Variants in NEUROD4 observed in about 807,000 individuals in gnomAD.
The protein encoded by NEUROD4 is neurogenic differentiation factor 4.
NEUROD4 carries 16 observed loss-of-function variants against 19.8 expected under a neutral mutation model. The ratio of observed to expected loss-of-function variants is 0.81; its 90% confidence interval spans 0.55 to 1.23. The LOEUF (loss-of-function observed/expected upper bound fraction) is 1.23, where lower values mean the gene tolerates loss of function less well. NEUROD4 is among the 50% of genes most tolerant of loss of function. NEUROD4 has a pLI of 0.00. For missense variants in NEUROD4, 439 were observed against 398.6 expected, an observed-to-expected ratio of 1.10 and a Z score of -0.86; for synonymous variants, 153 against 147.9, an observed-to-expected ratio of 1.03 and a Z score of -0.25.
chr12:55,025,233 A>G (rs1952714242), intron 1 of NEUROD4, among the ~76,000 whole-genome samples: 1 of 152,226 alleles, frequency 6.6e-6, no homozygotes, highest in African/African-American at 2.4e-5. Context: ...TGGTTTTCAA[A>G]TAGTGAATTT....
rs1592455277 is a variant in NEUROD4 at position 55,027,250 on chromosome 12, C to T, written c.811C>T (p.Pro271Ser). The T allele has an allele frequency of 2.5e-6, 4 of 1,613,992 alleles. No homozygotes were observed. The highest frequency in any genetic ancestry group is 2.5e-6 in the Non-Finnish European group (3 of 1,180,018). Residue 271 changes from proline (P) to serine (S), a missense_variant, in exon 2 of 2, where the codon CCT becomes TCT. Transcript: ENST00000242994. ...CTTCTCCTTGAAGCAAGATGGGTCTCCTGACCTAGAAAAATCCTACAGCTT... is the reference window on the plus strand; with the variant it reads ...CTTCTCCTTGAAGCAAGATGGGTCTTCTGACCTAGAAAAATCCTACAGCTT... ...GNFSLKQDGS[P>S]DLEKSYSFMP... is the part of the protein sequence containing the mutation.
chr12:55,027,801 T>C lies in NEUROD4; in HGVS notation c.*366T>C, dbSNP rs920342819. ...ATTGTAAATAAACAAATTGTATTTATATGAGGCAACTATTCTAAGTCCAGA... is the reference window on the plus strand; with the variant it reads ...ATTGTAAATAAACAAATTGTATTTACATGAGGCAACTATTCTAAGTCCAGA... On this transcript the variant is annotated 3_prime_UTR_variant, in exon 2 of 2. Coordinates refer to ENST00000242994, the MANE Select transcript of NEUROD4 (RefSeq NM_021191.3). 1 of 199,030 alleles carries C rather than the reference T, an allele frequency of 5.0e-6. No homozygotes were observed. Among genetic ancestry groups the C allele is most frequent in the Non-Finnish European group, 1.1e-5 (1 of 89,866 alleles). 12.3% of individuals were successfully genotyped at this position (199,030 alleles called of 1,614,324 possible).
chr12:55,026,835 C>T lies in NEUROD4; in HGVS notation c.396C>T (p.Ala132=), dbSNP rs1441587229. 6.2e-7 allele frequency: 1 copy of T among 1,614,056 alleles called. No homozygotes were observed. The change falls in exon 2 of 2, where the codon GCC becomes GCT. Residue 132 remains alanine (A), a synonymous_variant. Coordinates refer to ENST00000242994, the MANE Select transcript of NEUROD4 (RefSeq NM_021191.3). ...CCAAGATAGAGACTCTTAGACTGGC[C>T]AGGAACTATATTTGGGCTTTATCTG... is the stretch of plus-strand genomic sequence containing the variant. ...KLSKIETLRL[A]RNYIWALSEV...
intron 1 of NEUROD4, among the ~76,000 whole-genome samples, chr12:55,023,803 A>G (rs754395865): frequency 1.3e-5 from 2 of 152,190 alleles, no homozygotes; most frequent in Non-Finnish European, 2.9e-5. Context: ...CTTTTCCTTT[A>G]TACCCACCAA....
intron 1 of NEUROD4, among the ~76,000 whole-genome samples, chr12:55,022,994 G>A (rs1288087111): frequency 6.6e-6 from 1 of 152,072 alleles, no homozygotes. Context: ...TGAAATTCAT[G>A]TTGTATGACA....
chr12:55,023,205 A>G (rs1359242440), intron 1 of NEUROD4, among the ~76,000 whole-genome samples: 1 of 152,114 alleles, frequency 6.6e-6, no homozygotes, highest in Non-Finnish European at 1.5e-5. Context: ...TGTGCTATCT[A>G]TCCCACCATG....
chr12:55,022,827 A>G (rs151025543), intron 1 of NEUROD4, among the ~76,000 whole-genome samples: 98 of 152,174 alleles, frequency 6.4e-4, no homozygotes, highest in African/African-American at 2.2e-3. Context: ...GAGTAGGTGT[A>G]TTGGGGAATT....
intron 1 of NEUROD4, among the ~76,000 whole-genome samples, chr12:55,024,480 G>C (rs574582696): frequency 7.9e-5 from 12 of 152,244 alleles, no homozygotes; most frequent in African/African-American, 2.9e-4. Flanking sequence ...AAAGTGCTCT[G>C]TAAACTTTAA....
At position 55,020,188 on chromosome 12, in the gene NEUROD4, G is replaced by A. The variant is rs993887756; in HGVS notation, c.-135G>A. 1.3e-5 allele frequency: 2 copies of A among 150,734 alleles called. No homozygotes were observed. Among genetic ancestry groups the A allele is most frequent in the African/African-American group, 5.0e-5 (2 of 40,334 alleles). The allele number at this position is 150,734 out of a possible 1,614,324, so 9.3% of individuals were successfully genotyped here. A position where few individuals can be genotyped will look rare whatever the true frequency, so the allele number is the denominator to read the frequency against. On this transcript the variant is annotated 5_prime_UTR_variant, in exon 1 of 2. Transcript: ENST00000242994. ...GTGGAATCTCTAAGAGGTAACAACC[G>A]GGTTTGACATGGATCGCTGAAAGCG...
chr12:55,026,080 A>T (rs1037853011), intron 1 of NEUROD4, among the ~76,000 whole-genome samples: 1 of 152,186 alleles, frequency 6.6e-6, no homozygotes, highest in Admixed American at 6.5e-5. Flanking sequence ...ACAGTAATTT[A>T]TATACTCACC....
Position 55,026,984 on chromosome 12 carries a change from T to G in NEUROD4, c.545T>G (p.Leu182Arg). The stretch of plus-strand genomic sequence containing the variant: ...CTCCAACTGGGCCCTCAGTCTGTCC[T>G]CCTGGAGAAGCACGAGGATAAATCT... Reference protein sequence around the residue: ...GCLQLGPQSVLLEKHEDKSPI... With the variant: ...GCLQLGPQSVRLEKHEDKSPI... Residue 182 changes from leucine to arginine, a missense_variant, in exon 2 of 2, where the codon CTC (leucine) becomes CGC (arginine). Coordinates refer to ENST00000242994, the MANE Select transcript of NEUROD4 (RefSeq NM_021191.3). 6.2e-7 allele frequency: 1 copy of G among 1,614,150 alleles called. No homozygotes were observed. Among genetic ancestry groups the G allele is most frequent in the Non-Finnish European group, 8.5e-7 (1 of 1,180,012 alleles).
At chr12:55,021,351 A>G (rs144350944) in intron 1 of NEUROD4, among the ~76,000 whole-genome samples, 1 of 152,182 alleles carries the variant, frequency 6.6e-6, no homozygotes, top group Non-Finnish European at 1.5e-5. Flanking sequence ...TAGTCTATTT[A>G]GTTCTTAGAT....
Position 55,027,867 on chromosome 12 carries a change from G to T in NEUROD4, c.*432G>T, listed in dbSNP as rs1464767681. ...TTCACAGTTCTGAAATGCTATAACT[G>T]TGGTGATCACTCTTGACAATTTCTT... On this transcript the variant is annotated 3_prime_UTR_variant, in exon 2 of 2. Coordinates refer to ENST00000242994, the MANE Select transcript of NEUROD4 (RefSeq NM_021191.3). 1 of 171,894 alleles carries T rather than the reference G, an allele frequency of 5.8e-6. No homozygotes were observed. Among genetic ancestry groups the T allele is most frequent in the Non-Finnish European group, 1.4e-5 (1 of 71,938 alleles). 10.6% of individuals were successfully genotyped at this position (171,894 alleles called of 1,614,324 possible).
chr12:55,020,812 T>G (rs977531930), intron 1 of NEUROD4, among the ~76,000 whole-genome samples: 2 of 152,132 alleles, frequency 1.3e-5, no homozygotes, highest in African/African-American at 2.4e-5. Flanking sequence ...TCGGGGTAGA[T>G]TCTCACCATT....
rs1952751290 is a variant in NEUROD4 at position 55,027,697 on chromosome 12, A to G, written c.*262A>G. Reference sequence around the variant, plus strand: ...AAATAGAACAGAAGACCTGGGCCCTATTCCAGTGGTGCCAAAAACTCATTG... The same window carrying G: ...AAATAGAACAGAAGACCTGGGCCCTGTTCCAGTGGTGCCAAAAACTCATTG... On this transcript the variant is annotated 3_prime_UTR_variant, in exon 2 of 2. Coordinates refer to ENST00000242994, the MANE Select transcript of NEUROD4 (RefSeq NM_021191.3). 2.6e-6 allele frequency: 1 copy of G among 380,560 alleles called. No individual in the cohort carries two copies. Among genetic ancestry groups the G allele is most frequent in the South Asian group, 1.0e-4 (1 of 9,974 alleles). 23.6% of individuals were successfully genotyped at this position (380,560 alleles called of 1,614,324 possible).
At chr12:55,020,704 A>G (rs890139894) in intron 1 of NEUROD4, among the ~76,000 whole-genome samples, 26 of 152,108 alleles carry the variant, frequency 1.7e-4, no homozygotes, top group Admixed American at 3.3e-4. Context: ...GACCCAATCC[A>G]CCACTCTGCT....
rs139984818 is a variant in NEUROD4 at position 55,026,544 on chromosome 12, G to C, written c.105G>C (p.Glu35Asp). ...LGSQNEVKEE[E>D]SRPGTYGMLS... is the part of the protein sequence containing the mutation. ...CCCAAAATGAGGTGAAGGAGGAAGA[G>C]AGCAGACCAGGTACTTATGGGATGC... Residue 35 changes from glutamate (E) to aspartate (D), a missense_variant, in exon 2 of 2, where the codon GAG becomes GAC. By Grantham distance (45) the Glu-to-Asp change is conservative (BLOSUM62 2). Transcript: ENST00000242994. 2 of 1,613,954 alleles carry C rather than the reference G, an allele frequency of 1.2e-6. No homozygotes were observed. Among genetic ancestry groups the C allele is most frequent in the East Asian group, 2.2e-5 (1 of 44,876 alleles).
intron 1 of NEUROD4, among the ~76,000 whole-genome samples, chr12:55,022,198 C>T (rs1952677914): frequency 6.6e-6 from 1 of 152,076 alleles, no homozygotes; most frequent in African/African-American, 2.4e-5. Flanking sequence ...TTCTGTGCTC[C>T]TTTAATGAGT....
intron 1 of NEUROD4, among the ~76,000 whole-genome samples, chr12:55,021,164 G>T (rs1952671417): frequency 6.6e-6 from 1 of 152,204 alleles, no homozygotes. Context: ...AAATGTGTGT[G>T]TATGTGCATG....
Sources: allele counts gnomAD v4.1 joint callset (sites outside exome capture counted in the v4.1 genomes callset), GRCh38; gene constraint gnomAD v4.1.1; transcripts MANE v1.5; gene names NCBI Gene and HGNC (gene_info 2026-07-23, HGNC 2026-07-21).